The following SEZ6 variants were observed in gnomAD, a reference collection of about 807,000 sequenced individuals.
SEZ6 encodes seizure related 6 homolog.
In SEZ6, 53 loss-of-function variants were observed where a neutral mutation model predicts 101.0. That is an observed-to-expected ratio of 0.52 (90% CI 0.42 to 0.66). The LOEUF (loss-of-function observed/expected upper bound fraction) is 0.66. Among genes scored for constraint, SEZ6 ranks in the 30% least tolerant of loss-of-function variants. The pLI, the probability that SEZ6 is intolerant of heterozygous loss-of-function variation, is 0.00. For missense variants in SEZ6, 1,102 were observed against 1,289.4 expected, an observed-to-expected ratio of 0.85 and a Z score of 2.23; for synonymous variants, 488 against 512.2, an observed-to-expected ratio of 0.95 and a Z score of 0.64.
chr17:28,969,838 T>A lies in SEZ6; in HGVS notation c.973A>T (p.Ser325Cys). The A allele has an allele frequency of 6.5e-7, 1 of 1,531,600 alleles. No individual in the cohort carries two copies. The highest frequency in any genetic ancestry group is 8.7e-7 in the Non-Finnish European group (1 of 1,149,870). The allele number at this position is 1,531,600 out of a possible 1,614,324, so 94.9% of individuals were successfully genotyped here. ...SFLLRGQVIR[S>C]PTHQAALRFQ... Reference sequence around the variant, plus strand: ...CTCAGGGCCGCTTGGTGGGTGGGGCTGCGGATGACTTGGCCCCGCAGCAGG... The same window carrying A: ...CTCAGGGCCGCTTGGTGGGTGGGGCAGCGGATGACTTGGCCCCGCAGCAGG... Residue 325 changes from serine to cysteine, a missense_variant, in exon 4 of 17, where the codon AGC becomes TGC. This residue lies in a region of SEZ6 where 406 missense variants were observed against 418.6 expected (regional missense o/e 0.97). Coordinates refer to ENST00000317338, the MANE Select transcript of SEZ6 (RefSeq NM_178860.5).
At position 29,003,052 on chromosome 17, in the gene SEZ6, C is replaced by T. The variant is rs2041636117; in HGVS notation, c.55+2763G>A. ...GCAGCCTCCATTCCTGAGACCCAAC[C>T]TTACCCCAGTCTCAGCGGCTTCCAC... is the stretch of plus-strand genomic sequence containing the variant. On this transcript the variant is annotated intron_variant, in intron 1 of 16. Transcript: ENST00000317338. Among the ~76,000 whole-genome samples the T allele has an allele frequency of 2.6e-5, 4 of 152,206 alleles. No homozygotes were observed. The South Asian group carries it at 8.3e-4, about 32-fold the overall frequency.
chr17:29,004,876 A>G (rs1168773104), intron 1 of SEZ6, among the ~76,000 whole-genome samples: 8 of 152,062 alleles, frequency 5.3e-5, no homozygotes, highest in Non-Finnish European at 2.9e-5. Context: ...CCTCTCCCCA[A>G]CACTCCCTTG....
chr17:28,996,251 T>TGGC (rs1233254469), intron 1 of SEZ6, among the ~76,000 whole-genome samples: 12 of 151,966 alleles, frequency 7.9e-5, no homozygotes, highest in African/African-American at 2.9e-4. Context: ...CTTAGGGACT[T>TGGC]GGCGAGGTTG....
At chr17:29,003,106 A>T (rs2041636877) in intron 1 of SEZ6, among the ~76,000 whole-genome samples, 1 of 152,188 alleles carries the variant, frequency 6.6e-6, no homozygotes, top group Non-Finnish European at 1.5e-5. Flanking sequence ...CCACATTCAC[A>T]CATGCAGAGT....
chr17:29,000,828 A>T (rs1052260739), intron 1 of SEZ6, among the ~76,000 whole-genome samples: 3 of 151,952 alleles, frequency 2.0e-5, no homozygotes, highest in East Asian at 1.9e-4. Flanking sequence ...GGTGGCTGTT[A>T]TAGGGGGGGT....
rs1234973961 is a variant in SEZ6 at position 28,959,504 on chromosome 17, T to C, written c.1772-32A>G. 1.9e-6 allele frequency: 3 copies of C among 1,605,054 alleles called. No homozygotes were observed. The highest frequency in any genetic ancestry group is 2.5e-6 in the Non-Finnish European group (3 of 1,176,928). ...GGCAGAGGAGGCCCAGAAGGGTCTT[T>C]TCAAGCTTACCATGGTGTTGCTTAC... On this transcript the variant is annotated intron_variant, in intron 8 of 16. Transcript: ENST00000317338. This position sits in a 1 kb window ranked among gnomAD's most constrained non-coding sequence, Gnocchi z 4.4.
At chr17:28,983,893 G>C (rs2041343446) in intron 1 of SEZ6, among the ~76,000 whole-genome samples, 1 of 152,042 alleles carries the variant, frequency 6.6e-6, no homozygotes, top group Non-Finnish European at 1.5e-5. Flanking sequence ...GGAAGCAGCA[G>C]ATGGCCTACG....
At chr17:28,991,973 G>A (rs943511659) in intron 1 of SEZ6, among the ~76,000 whole-genome samples, 1 of 152,170 alleles carries the variant, frequency 6.6e-6, no homozygotes, top group Non-Finnish European at 1.5e-5. Context: ...TGTTCCAGGG[G>A]AACGTTTGCT....
rs753880457 is a variant in SEZ6 at position 28,981,988 on chromosome 17, T to A, written c.107A>T (p.Glu36Val). The change falls in exon 2 of 17, where the codon GAG (glutamate) becomes GTG (valine). Residue 36 changes from glutamate (E) to valine (V), a missense_variant. Transcript: ENST00000317338. ...TGCTGTCAGCTCGCCATCTGTCTCCTCGATGCCTGGGGCTTGTCCTTTCCC... is the reference window on the plus strand; with the variant it reads ...TGCTGTCAGCTCGCCATCTGTCTCCACGATGCCTGGGGCTTGTCCTTTCCC... ...TVGKGQAPGI[E>V]ETDGELTAAP... 5 of 1,612,486 alleles carry A rather than the reference T, an allele frequency of 3.1e-6. No homozygotes were observed. In the South Asian group the frequency reaches 4.4e-5, roughly 14 times the overall value.
At chr17:28,980,664 G>A (rs111258307) in intron 2 of SEZ6, among the ~76,000 whole-genome samples, 2 of 150,602 alleles carry the variant, frequency 1.3e-5, no homozygotes, top group African/African-American at 2.4e-5. Flanking sequence ...CACCGCGCCC[G>A]GCCAATTTTT....
At chr17:28,958,558 G>A (rs1184475429) in intron 10 of SEZ6, among the ~76,000 whole-genome samples, 1 of 152,198 alleles carries the variant, frequency 6.6e-6, no homozygotes, top group Non-Finnish European at 1.5e-5. Context: ...GGGAGGCTGA[G>A]GTGGGCAGAT....
chr17:28,963,254 GA>G (rs1455899110), intron 5 of SEZ6, among the ~76,000 whole-genome samples: 2 of 152,122 alleles, frequency 1.3e-5, no homozygotes, highest in Non-Finnish European at 2.9e-5. Flanking sequence ...CCAGACCTGG[GA>G]GTCCCCTTTC....
intron 1 of SEZ6, among the ~76,000 whole-genome samples, chr17:28,998,067 T>G (rs1469241127): frequency 1.4e-5 from 2 of 143,668 alleles, no homozygotes; most frequent in East Asian, 4.5e-4. Context: ...GGCACTCAGC[T>G]GCTGAGCTGG....
intron 3 of SEZ6, among the ~76,000 whole-genome samples, chr17:28,978,037 C>T (rs1319849582): frequency 1.3e-5 from 2 of 152,262 alleles, no homozygotes; most frequent in East Asian, 1.9e-4. Flanking sequence ...CTGACAGGGT[C>T]TGATTCAGAT....
Position 28,955,714 on chromosome 17 carries a change from C to T in SEZ6, c.*248G>A. On this transcript the variant is annotated 3_prime_UTR_variant, in exon 17 of 17. Transcript: ENST00000317338. ...ATGCTTGTGCTCCAGCTATGTTCTTCCCACAGGTAGATGCCCCCTGACATG... is the reference window on the plus strand; with the variant it reads ...ATGCTTGTGCTCCAGCTATGTTCTTTCCACAGGTAGATGCCCCCTGACATG... 1 of 677,952 alleles carries T rather than the reference C, an allele frequency of 1.5e-6. No individual in the cohort carries two copies. The allele number at this position is 677,952 out of a possible 1,614,324, so 42.0% of individuals were successfully genotyped here. A position where few individuals can be genotyped will look rare whatever the true frequency, so the allele number is the denominator to read the frequency against.
At chr17:28,985,675 G>A (rs542726911) in intron 1 of SEZ6, among the ~76,000 whole-genome samples, 1 of 152,232 alleles carries the variant, frequency 6.6e-6, no homozygotes, top group Admixed American at 6.5e-5. Context: ...GGGTAGGAAG[G>A]GGTGGCCCCT....
In SEZ6 at chr17:29,002,558, C is replaced by T. The variant is rs193146604; in HGVS notation, c.55+3257G>A. 7.4e-4 allele frequency among the ~76,000 whole-genome samples: 112 copies of T among 152,260 alleles called. 1 individual carries two copies. The highest frequency in any genetic ancestry group is 2.4e-3 in the African/African-American group (101 of 41,556). On this transcript the variant is annotated intron_variant, in intron 1 of 16. Coordinates refer to ENST00000317338, the MANE Select transcript of SEZ6 (RefSeq NM_178860.5). ...GGGTCCTCCAGCCTCCTTGGAAGCC[C>T]GGGGCTGGTGGGTGGGGGTGTGCTC...
chr17:28,986,889 G>A (rs370374983), intron 1 of SEZ6, among the ~76,000 whole-genome samples: 1 of 152,212 alleles, frequency 6.6e-6, no homozygotes, highest in Non-Finnish European at 1.5e-5. Flanking sequence ...GGAAGGGCAG[G>A]TGGCACTGTC....
At chr17:28,984,131 A>C (rs1006274159) in intron 1 of SEZ6, among the ~76,000 whole-genome samples, 1 of 152,206 alleles carries the variant, frequency 6.6e-6, no homozygotes, top group Non-Finnish European at 1.5e-5. Flanking sequence ...TGACAACACC[A>C]TCCAATCTAG....
Sources: allele counts gnomAD v4.1 joint callset (sites outside exome capture counted in the v4.1 genomes callset), GRCh38; gene constraint gnomAD v4.1.1; regional missense constraint gnomAD v4.1.1; non-coding constraint Gnocchi (gnomAD v3.1); transcripts MANE v1.5; gene names NCBI Gene and HGNC (gene_info 2026-07-23, HGNC 2026-07-21).